The following MGAT4C variants were observed in gnomAD, a reference collection of about 807,000 sequenced individuals.
MGAT4C encodes alpha-1,3-mannosyl-glycoprotein 4-beta-N-acetylglucosaminyltransferase C.
A neutral mutation model predicts 40.1 loss-of-function variants in MGAT4C; 19 were observed. The ratio of observed to expected loss-of-function variants is 0.47; its 90% CI spans 0.33 to 0.70. The LOEUF is 0.70. Ranked by LOEUF, MGAT4C falls within the 30% of genes least tolerant of loss-of-function variation. The pLI, the probability that MGAT4C is intolerant of heterozygous loss-of-function variation, is 0.02. For synonymous variants in MGAT4C, 181 were observed against 187.1 expected (o/e 0.97, Z 0.27); for missense variants, 491 against 563.2 (o/e 0.87, Z 1.30).
At chr12:86,459,377 G>A (rs1233494665) in intron 2 of MGAT4C, among the ~76,000 whole-genome samples, 1 of 151,708 alleles carries the variant, frequency 6.6e-6, no homozygotes, top group Non-Finnish European at 1.5e-5. Context: ...ATATTGGGTG[G>A]GTGTCAGGGA....
At chr12:86,376,824 G>GAGAGAGAC (rs1200563888) in intron 3 of MGAT4C, among the ~76,000 whole-genome samples, 5 of 108,606 alleles carry the variant, frequency 4.6e-5, no homozygotes, top group Admixed American at 2.1e-4. Flanking sequence ...GAGACAGAGA[G>GAGAGAGAC]AGAGAGAGAG....
At chr12:85,993,975 C>T (rs781682615) in intron 2 of MGAT4C, among the ~76,000 whole-genome samples, 13 of 152,170 alleles carry the variant, frequency 8.5e-5, no homozygotes, top group South Asian at 4.1e-4. Context: ...GGGTGCAGAC[C>T]GCAGAGAAGT....
chr12:86,202,860 C>G (rs1358472721), intron 1 of MGAT4C, among the ~76,000 whole-genome samples: 2 of 151,918 alleles, frequency 1.3e-5, no homozygotes, highest in Non-Finnish European at 2.9e-5. Flanking sequence ...TTTGCAATTT[C>G]AAAATTATTC....
intron 3 of MGAT4C, among the ~76,000 whole-genome samples, chr12:86,378,916 T>C (rs913225238): frequency 6.6e-6 from 1 of 152,160 alleles, no homozygotes; most frequent in African/African-American, 2.4e-5. Flanking sequence ...CTGCTATCTT[T>C]TGCCTGGTGG....
chr12:86,200,127 G>GTTTTTTTTTTTTTTT (rs56844963), intron 1 of MGAT4C, among the ~76,000 whole-genome samples: 1 of 102,356 alleles, frequency 9.8e-6, no homozygotes, highest in African/African-American at 4.8e-5. Flanking sequence ...GTATGTATTT[G>GTTTTTTTTTTTTTTT]TTTTTTTTTT....
chr12:86,473,792 A>C (rs1266526474), intron 2 of MGAT4C, among the ~76,000 whole-genome samples: 5 of 152,186 alleles, frequency 3.3e-5, no homozygotes, highest in Non-Finnish European at 7.3e-5. Context: ...TTAATGAATA[A>C]AGTCCATCTT....
At chr12:86,286,758 G>A (rs1953362134) in intron 4 of MGAT4C, among the ~76,000 whole-genome samples, 1 of 151,184 alleles carries the variant, frequency 6.6e-6, no homozygotes, top group South Asian at 2.1e-4. Context: ...CCCCTTGTAG[G>A]CCCTGGTGTC....
intron 1 of MGAT4C, among the ~76,000 whole-genome samples, chr12:86,220,191 T>C (rs768615085): frequency 6.6e-6 from 1 of 152,052 alleles, no homozygotes; most frequent in Non-Finnish European, 1.5e-5. Flanking sequence ...ACCAAGGATG[T>C]TTCTCCTCAG....
At chr12:86,209,418 T>C (rs1224301635) in intron 1 of MGAT4C, among the ~76,000 whole-genome samples, 1 of 152,176 alleles carries the variant, frequency 6.6e-6, no homozygotes, top group East Asian at 1.9e-4. Context: ...AATTATTTTC[T>C]ATTAAGGAAA....
chr12:86,163,886 T>C (rs1209875231), intron 1 of MGAT4C, among the ~76,000 whole-genome samples: 2 of 152,180 alleles, frequency 1.3e-5, no homozygotes, highest in Admixed American at 1.3e-4. Context: ...CTTTCTCATA[T>C]GATACTTTAA....
chr12:86,750,379 G>T (rs757454275), intron 1 of MGAT4C, among the ~76,000 whole-genome samples: 1 of 151,634 alleles, frequency 6.6e-6, no homozygotes, highest in Non-Finnish European at 1.5e-5. Flanking sequence ...CATTAGTCAC[G>T]GGCTATACTT....
At chr12:86,285,844 T>C (rs1218888259) in intron 4 of MGAT4C, among the ~76,000 whole-genome samples, 1 of 151,948 alleles carries the variant, frequency 6.6e-6, no homozygotes, top group East Asian at 1.9e-4. Context: ...TAATGAAATA[T>C]TATGCATATA....
intron 4 of MGAT4C, among the ~76,000 whole-genome samples, chr12:86,296,435 G>C (rs1953679747): frequency 7.0e-6 from 1 of 143,334 alleles, no homozygotes; most frequent in Non-Finnish European, 1.6e-5. Context: ...CGATGGGACT[G>C]GGCGCCGTGG....
intron 3 of MGAT4C, among the ~76,000 whole-genome samples, chr12:86,419,412 A>G (rs970872271): frequency 6.6e-5 from 10 of 151,232 alleles, no homozygotes; most frequent in Admixed American, 2.6e-4. Flanking sequence ...CCATACATAC[A>G]TAAATTTTAA....
rs140484492 is a variant in MGAT4C, at chr12:86,608,314, C to G, written c.-229+118895G>C. ...AAAAGATTCGGCCAGCATGGTGACT[C>G]ACACCTATAATCCCAGCACTTTGGG... On this transcript the variant is annotated intron_variant, in intron 2 of 7. Coordinates refer to the MGAT4C transcript ENST00000548651. Among the ~76,000 whole-genome samples, 1,298 of 152,154 alleles carry G rather than the reference C, an allele frequency of 8.5e-3. 7 individuals are homozygous for G. Among genetic ancestry groups the G allele is most frequent in the Non-Finnish European group, 0.014 (957 of 68,006 alleles).
chr12:86,048,814 A>G (rs550275271), intron 2 of MGAT4C, among the ~76,000 whole-genome samples: 4 of 152,056 alleles, frequency 2.6e-5, no homozygotes, highest in African/African-American at 4.8e-5. Context: ...AATGCAAATT[A>G]CCCAGACAGG....
chr12:86,314,281 G>A (rs917175570), intron 4 of MGAT4C, among the ~76,000 whole-genome samples: 1 of 152,142 alleles, frequency 6.6e-6, no homozygotes, highest in African/African-American at 2.4e-5. Flanking sequence ...GATAGGCTGG[G>A]CGCGGTGGCT....
chr12:86,293,602 T>C (rs1953581012), intron 4 of MGAT4C, among the ~76,000 whole-genome samples: 1 of 152,194 alleles, frequency 6.6e-6, no homozygotes, highest in Non-Finnish European at 1.5e-5. Flanking sequence ...TTGTCTCCTT[T>C]ATGACTTATA....
In MGAT4C at chr12:85,960,437, A is replaced by T. The variant is rs1242763607; in HGVS notation, c.*18852T>A. ...AAGGATAACAATACTTATCACACAG[A>T]TTTGTGGTCTGAATCACATGAGAGA... On this transcript the variant is annotated 3_prime_UTR_variant, in exon 5 of 5. Coordinates refer to ENST00000611864, the MANE Select transcript of MGAT4C (RefSeq NM_001351288.2). 1 of 152,034 alleles carries T rather than the reference A, an allele frequency of 6.6e-6. No homozygotes were observed. Among genetic ancestry groups the T allele is most frequent in the African/African-American group, 2.4e-5 (1 of 41,430 alleles). The allele number at this position is 152,034 out of a possible 1,614,324, so 9.4% of individuals were successfully genotyped here. A position where few individuals can be genotyped will look rare whatever the true frequency, so the allele number is the denominator to read the frequency against.
Sources: allele counts gnomAD v4.1 joint callset (sites outside exome capture counted in the v4.1 genomes callset), GRCh38; gene constraint gnomAD v4.1.1; transcripts MANE v1.5; gene names NCBI Gene and HGNC (gene_info 2026-07-23, HGNC 2026-07-21).